Variants in AGBL4 observed in about 807,000 individuals in gnomAD.
AGBL4 encodes cytosolic carboxypeptidase 6.
Under a neutral mutation model 66.4 loss-of-function variants are expected in AGBL4, and 58 were observed. The observed-to-expected ratio is 0.87, with a 90% CI of 0.71 to 1.09. AGBL4 has a LOEUF of 1.09. Ranked by LOEUF, AGBL4 falls within the 50% of genes least tolerant of loss-of-function variation. The pLI is 0.00. For synonymous variants in AGBL4, 234 were observed against 222.9 expected, an observed-to-expected ratio of 1.05 and a Z score of -0.44; for missense variants, 579 against 631.0, an observed-to-expected ratio of 0.92 and a Z score of 0.88.
chr1:49,615,914 T>G (rs571358305), intron 3 of AGBL4, among the ~76,000 whole-genome samples: 13 of 152,230 alleles, frequency 8.5e-5, no homozygotes, highest in African/African-American at 2.9e-4. Flanking sequence ...AAAGAAAAGC[T>G]CCCACTATTT....
Position 49,248,628 on chromosome 1 carries a change from T to C in AGBL4, c.283-2764A>G, listed in dbSNP as rs138166256. Reference sequence around the variant, plus strand: ...GTTCTGCGAGTTTAGGAAAGGTAATTATTCTTTTTTTTTTGGACATTGTTT... The same window carrying C: ...GTTCTGCGAGTTTAGGAAAGGTAATCATTCTTTTTTTTTTGGACATTGTTT... On this transcript the variant is annotated intron_variant, in intron 3 of 13. Coordinates refer to ENST00000371839, the MANE Select transcript of AGBL4 (RefSeq NM_032785.4). 3.7e-3 allele frequency among the ~76,000 whole-genome samples: 566 copies of C among 152,230 alleles called. 3 individuals are homozygous for C. Among genetic ancestry groups the C allele is most frequent in the African/African-American group, 0.013 (529 of 41,552 alleles).
intron 4 of AGBL4, among the ~76,000 whole-genome samples, chr1:49,156,203 T>C (rs1646426629): frequency 6.6e-6 from 1 of 152,194 alleles, no homozygotes; most frequent in Non-Finnish European, 1.5e-5. Flanking sequence ...ACATTTGCAT[T>C]CATCCTGATG....
chr1:49,644,389 C>A (rs914869104), intron 3 of AGBL4, among the ~76,000 whole-genome samples: 1 of 151,482 alleles, frequency 6.6e-6, no homozygotes, highest in African/African-American at 2.4e-5. Flanking sequence ...TAAGATTCAA[C>A]TAGGTACTAT....
chr1:50,022,516 A>G (rs931212360), intron 1 of AGBL4, among the ~76,000 whole-genome samples: 1 of 152,040 alleles, frequency 6.6e-6, no homozygotes, highest in Non-Finnish European at 1.5e-5. Context: ...AAAGAGAAAT[A>G]ATGAAGGCCT....
At chr1:48,589,606 C>T (rs1444981529) in intron 10 of AGBL4, among the ~76,000 whole-genome samples, 1 of 152,172 alleles carries the variant, frequency 6.6e-6, no homozygotes, top group Non-Finnish European at 1.5e-5. Flanking sequence ...TTTTTCCCAC[C>T]CCACAGCCTC....
intron 2 of AGBL4, among the ~76,000 whole-genome samples, chr1:49,816,011 C>T (rs1358120081): frequency 2.0e-5 from 3 of 152,058 alleles, no homozygotes; most frequent in African/African-American, 7.2e-5. Flanking sequence ...CCCCATCAGC[C>T]TCCCCAGTCA....
chr1:48,769,217 G>A (rs907895241), intron 6 of AGBL4, among the ~76,000 whole-genome samples: 30 of 152,092 alleles, frequency 2.0e-4, no homozygotes, highest in African/African-American at 6.3e-4. Context: ...ATTCTTCCAC[G>A]TGGGCATGTT....
intron 4 of AGBL4, among the ~76,000 whole-genome samples, chr1:49,061,818 G>C (rs1023498379): frequency 3.9e-5 from 6 of 152,258 alleles, no homozygotes; most frequent in African/African-American, 1.2e-4. Context: ...ACTGTCTGTA[G>C]GATGGGACTA....
intron 5 of AGBL4, among the ~76,000 whole-genome samples, chr1:48,873,388 T>G (rs1648881026): frequency 6.6e-6 from 1 of 152,216 alleles, no homozygotes; most frequent in African/African-American, 2.4e-5. Flanking sequence ...TAACTCACGC[T>G]ACCTCTGCTG....
intron 5 of AGBL4, among the ~76,000 whole-genome samples, chr1:49,008,404 T>A (rs1662048474): frequency 6.6e-6 from 1 of 151,504 alleles, no homozygotes; most frequent in African/African-American, 2.4e-5. Context: ...GCAAAGAGAC[T>A]TAGACTCCCA....
chr1:48,968,743 T>C (rs1658656499), intron 5 of AGBL4, among the ~76,000 whole-genome samples: 1 of 152,134 alleles, frequency 6.6e-6, no homozygotes, highest in South Asian at 2.1e-4. Flanking sequence ...CCAAATTTTC[T>C]ACCACCTTCT....
chr1:48,581,246 G>T (rs908569342), intron 11 of AGBL4, among the ~76,000 whole-genome samples: 15 of 152,172 alleles, frequency 9.9e-5, no homozygotes, highest in African/African-American at 2.9e-4. Flanking sequence ...TTCAGAGGAC[G>T]CAGTGCAAGG....
At chr1:49,587,408 C>T (rs909905001) in intron 3 of AGBL4, among the ~76,000 whole-genome samples, 5 of 152,196 alleles carry the variant, frequency 3.3e-5, no homozygotes. Context: ...TCCCATAGCT[C>T]ATGCTGCTTA....
At chr1:49,427,066 A>T (rs1645676979) in intron 3 of AGBL4, among the ~76,000 whole-genome samples, 1 of 152,156 alleles carries the variant, frequency 6.6e-6, no homozygotes, top group Non-Finnish European at 1.5e-5. Context: ...GTAGTGAGGC[A>T]TTTATTTTTT....
chr1:48,969,455 C>T (rs1330370259), intron 5 of AGBL4, among the ~76,000 whole-genome samples: 1 of 152,144 alleles, frequency 6.6e-6, no homozygotes, highest in African/African-American at 2.4e-5. Flanking sequence ...ATGAAATCCT[C>T]AATTTCTTCA....
intron 5 of AGBL4, among the ~76,000 whole-genome samples, chr1:48,962,282 T>G (rs1187404166): frequency 6.6e-6 from 1 of 152,246 alleles, no homozygotes; most frequent in Non-Finnish European, 1.5e-5. Context: ...GTAATAATAC[T>G]ACCTATTTCA....
chr1:49,554,878 A>T (rs867205840), intron 3 of AGBL4, among the ~76,000 whole-genome samples: 1 of 151,786 alleles, frequency 6.6e-6, no homozygotes, highest in South Asian at 2.1e-4. Flanking sequence ...GCGCGTCTGG[A>T]GTTGTTCGTT....
At chr1:49,413,235 T>A (rs1645354091) in intron 3 of AGBL4, among the ~76,000 whole-genome samples, 1 of 152,186 alleles carries the variant, frequency 6.6e-6, no homozygotes, top group Non-Finnish European at 1.5e-5. Flanking sequence ...AATCAACACT[T>A]CATATTTGCA....
intron 1 of AGBL4, among the ~76,000 whole-genome samples, chr1:49,865,136 C>A (rs1646670222): frequency 6.6e-6 from 1 of 152,312 alleles, no homozygotes; most frequent in African/African-American, 2.4e-5. Context: ...AGGAGAGGGG[C>A]AACCACAACC....
Sources: gnomAD v4.1 joint callset for allele counts (sites outside exome capture counted in the v4.1 genomes callset) on GRCh38, gnomAD v4.1.1 for gene constraint, MANE v1.5 for transcripts, NCBI Gene and HGNC (gene_info 2026-07-23, HGNC 2026-07-21) for gene names.